The following KATNA1 variants were observed in gnomAD, a reference collection of about 807,000 sequenced individuals.
The protein encoded by KATNA1 is katanin catalytic subunit A1.
Under a neutral mutation model 62.6 loss-of-function variants are expected in KATNA1, and 42 were observed. That is an observed-to-expected ratio of 0.67 (90% CI 0.52 to 0.87). The LOEUF (loss-of-function observed/expected upper bound fraction) is 0.87, where lower values mean the gene tolerates loss of function less well. Ranked by LOEUF, KATNA1 falls within the 40% of genes least tolerant of loss-of-function variation. The pLI is 0.00. For synonymous variants in KATNA1, 186 were observed against 201.9 expected (o/e 0.92, Z 0.67); for missense variants, 498 against 612.5 (o/e 0.81, Z 1.97).
At chr6:149,639,948 A>G (rs922426797) in intron 1 of KATNA1, among the ~76,000 whole-genome samples, 1 of 152,232 alleles carries the variant, frequency 6.6e-6, no homozygotes, top group Non-Finnish European at 1.5e-5. Flanking sequence ...AGTGAATATT[A>G]GATACATTTT....
intron 1 of KATNA1, among the ~76,000 whole-genome samples, chr6:149,648,043 C>T (rs1780553862): frequency 6.6e-6 from 1 of 152,102 alleles, no homozygotes; most frequent in Non-Finnish European, 1.5e-5. Context: ...AAATAACATC[C>T]CCAACAATAT....
chr6:149,636,833 G>T (rs1780082651), intron 2 of KATNA1, among the ~76,000 whole-genome samples: 1 of 151,560 alleles, frequency 6.6e-6, no homozygotes, highest in Non-Finnish European at 1.5e-5. Context: ...GTAGAGATGG[G>T]GTTTCACCAT....
chr6:149,638,373 C>G lies in KATNA1; in HGVS notation c.162+13G>C, dbSNP rs755132374. ...CTTAAGCCATTAAAACATACAGCAGCCATTACTCTCACCTGTTGCCATTTC... is the reference window on the plus strand; with the variant it reads ...CTTAAGCCATTAAAACATACAGCAGGCATTACTCTCACCTGTTGCCATTTC... On this transcript the variant is annotated intron_variant, in intron 2 of 10. Coordinates refer to ENST00000367411, the MANE Select transcript of KATNA1 (RefSeq NM_007044.4). 1.2e-6 allele frequency: 2 copies of G among 1,608,488 alleles called. No individual in the cohort carries two copies. Among genetic ancestry groups the G allele is most frequent in the Admixed American group, 3.4e-5 (2 of 58,378 alleles).
chr6:149,646,856 T>C (rs1780504149), intron 1 of KATNA1, among the ~76,000 whole-genome samples: 1 of 152,222 alleles, frequency 6.6e-6, no homozygotes, highest in Non-Finnish European at 1.5e-5. Context: ...ACCATATTTA[T>C]GTGATAATAC....
At chr6:149,640,705 C>T (rs1428705691) in intron 1 of KATNA1, among the ~76,000 whole-genome samples, 2 of 151,624 alleles carry the variant, frequency 1.3e-5, no homozygotes, top group Admixed American at 6.6e-5. Context: ...GCATCCACCA[C>T]GCCCGGCTAA....
intron 1 of KATNA1, among the ~76,000 whole-genome samples, chr6:149,642,166 G>A (rs1245308381): frequency 6.6e-6 from 1 of 152,200 alleles, no homozygotes; most frequent in African/African-American, 2.4e-5. Context: ...CTCCCAAAGT[G>A]CTGGGATTAC....
rs145252475 is a variant in KATNA1, at chr6:149,595,280, T to C, written c.1278-46A>G. On this transcript the variant is annotated intron_variant, in intron 10 of 10. Coordinates refer to ENST00000367411, the MANE Select transcript of KATNA1 (RefSeq NM_007044.4). ...AACAACAACACACACAATGTTACTT[T>C]GGTTAAATGAAAACCTGTTAATAGA... The C allele has an allele frequency of 4.0e-5, 61 of 1,522,598 alleles. No homozygotes were observed. The African/African-American group carries it at 7.7e-4, about 19-fold the overall frequency. 94.3% of individuals were successfully genotyped at this position (1,522,598 alleles called of 1,614,324 possible).
chr6:149,644,317 C>A (rs982752647), intron 1 of KATNA1, among the ~76,000 whole-genome samples: 4 of 151,956 alleles, frequency 2.6e-5, no homozygotes, highest in Admixed American at 2.0e-4. Flanking sequence ...TTCCCATTTT[C>A]CCACTAAAAA....
chr6:149,605,040 G>T (rs1778684126), intron 4 of KATNA1, among the ~76,000 whole-genome samples: 1 of 152,034 alleles, frequency 6.6e-6, no homozygotes, highest in Non-Finnish European at 1.5e-5. Context: ...CAGGCATGGT[G>T]GCGGCACCTG....
chr6:149,606,196 G>C (rs1305831928), intron 4 of KATNA1, among the ~76,000 whole-genome samples: 2 of 152,208 alleles, frequency 1.3e-5, no homozygotes, highest in Non-Finnish European at 2.9e-5. Flanking sequence ...CTGTGTAACA[G>C]GGCCCAATAG....
intron 2 of KATNA1, among the ~76,000 whole-genome samples, chr6:149,636,647 A>T (rs1384177135): frequency 1.4e-5 from 2 of 147,154 alleles, no homozygotes; most frequent in Non-Finnish European, 3.0e-5. Context: ...TATTACTTTC[A>T]TTTTTTTTTT....
At chr6:149,601,817 C>A in intron 6 of KATNA1, 65 bp from the exon 7 acceptor site, 2 of 1,315,086 alleles carry the variant, frequency 1.5e-6, no homozygotes, top group South Asian at 4.3e-5. Context: ...ATAAAAGTGT[C>A]ATTACTAAGT....
At chr6:149,604,640 T>C (rs1484483340) in intron 5 of KATNA1, 21 bp downstream of exon 5, 1 of 1,613,034 alleles carries the variant, frequency 6.2e-7, no homozygotes, top group Non-Finnish European at 8.5e-7. Context: ...CACCCAATTA[T>C]TTGGTTGTGA....
At chr6:149,637,734 T>C (rs1780123725) in intron 2 of KATNA1, among the ~76,000 whole-genome samples, 1 of 151,878 alleles carries the variant, frequency 6.6e-6, no homozygotes, top group Admixed American at 6.6e-5. Context: ...GGCTTGAACC[T>C]GGGAGGTGAA....
At chr6:149,643,688 C>G (rs564072039) in intron 1 of KATNA1, among the ~76,000 whole-genome samples, 1 of 142,864 alleles carries the variant, frequency 7.0e-6, no homozygotes, top group East Asian at 2.0e-4. Context: ...AGTTGTTGTC[C>G]TTTTTTTTTT....
intron 3 of KATNA1, among the ~76,000 whole-genome samples, chr6:149,626,143 C>T (rs945983880): frequency 6.6e-6 from 1 of 152,128 alleles, no homozygotes; most frequent in Non-Finnish European, 1.5e-5. Flanking sequence ...CCTTCCATAT[C>T]TGCAGATTCC....
intron 4 of KATNA1, among the ~76,000 whole-genome samples, chr6:149,618,435 G>A (rs1779265892): frequency 6.6e-6 from 1 of 151,320 alleles, no homozygotes; most frequent in Non-Finnish European, 1.5e-5. Flanking sequence ...CCGAGATCCT[G>A]CCACTGCACT....
chr6:149,616,881 C>A lies in KATNA1; in HGVS notation c.501+6222G>T, dbSNP rs116734565. Among the ~76,000 whole-genome samples, 897 of 152,214 alleles carry A rather than the reference C, an allele frequency of 5.9e-3. 9 individuals are homozygous for A. The highest frequency in any genetic ancestry group is 0.021 in the African/African-American group (859 of 41,530). On this transcript the variant is annotated intron_variant, in intron 4 of 10. Transcript: ENST00000367411. ...CTCATATTCAAAGCAGCATTATTCA[C>A]AAAAGCCAAACAGTGACAGCAACCC...
At position 149,621,493 on chromosome 6, in the gene KATNA1, ATAAT is replaced by A. The variant is rs566132729; in HGVS notation, c.501+1606_501+1609del. Among the ~76,000 whole-genome samples, 541 of 150,714 alleles carry A rather than the reference ATAAT, an allele frequency of 3.6e-3. 3 individuals carry two copies. The highest frequency in any genetic ancestry group is 6.1e-3 in the Non-Finnish European group (410 of 67,720). ...CCAATGGTATGCCTGCCAAAAATGA[ATAAT>A]TTTTTTTTTTTTTGAGACTGAGTCT... On this transcript the variant is annotated intron_variant, in intron 4 of 10. Coordinates refer to ENST00000367411, the MANE Select transcript of KATNA1 (RefSeq NM_007044.4).
Sources: gnomAD v4.1 joint callset for allele counts (sites outside exome capture counted in the v4.1 genomes callset) on GRCh38, gnomAD v4.1.1 for gene constraint, MANE v1.5 for transcripts, NCBI Gene and HGNC (gene_info 2026-07-23, HGNC 2026-07-21) for gene names.